The following STAT3 variants were observed in gnomAD, a reference collection of about 807,000 sequenced individuals.
STAT3 encodes the protein signal transducer and activator of transcription 3, also known as DNA-binding protein APRF.
A neutral mutation model predicts 114.3 loss-of-function variants in STAT3; 7 were observed. The ratio of observed to expected loss-of-function variants is 0.06; its 90% CI spans 0.03 to 0.11. The LOEUF is 0.11. Ranked by LOEUF, STAT3 falls within the 10% of genes least tolerant of loss-of-function variation. The pLI is 1.00. For synonymous variants in STAT3, 331 were observed against 354.5 expected (o/e 0.93, Z 0.74); for missense variants, 364 against 960.9 (o/e 0.38, Z 8.21).
chr17:42,364,631 C>T (rs1446474393), intron 1 of STAT3, among the ~76,000 whole-genome samples: 4 of 152,090 alleles, frequency 2.6e-5, no homozygotes, highest in African/African-American at 4.8e-5. Flanking sequence ...TACAGGTGCC[C>T]GCCACCACAC....
intron 23 of STAT3, chr17:42,316,509 C>T: frequency 1.3e-6 from 1 of 741,980 alleles, no homozygotes; most frequent in South Asian, 1.5e-5. Context: ...ATGAGCCACT[C>T]ACCCAGCCTC....
intron 21 of STAT3, among the ~76,000 whole-genome samples, chr17:42,319,411 G>A (rs1019397139): frequency 2.0e-5 from 3 of 151,198 alleles, no homozygotes; most frequent in Non-Finnish European, 4.4e-5. Context: ...GCATAGTGGT[G>A]CATGTCTGTA....
At chr17:42,340,585 G>C (rs1171716947) in intron 4 of STAT3, among the ~76,000 whole-genome samples, 1 of 152,162 alleles carries the variant, frequency 6.6e-6, no homozygotes, top group African/African-American at 2.4e-5. Flanking sequence ...GGGAGGCTGA[G>C]GTGGGAGGAT....
At chr17:42,319,630 T>A (rs1415117319) in intron 21 of STAT3, among the ~76,000 whole-genome samples, 2 of 151,660 alleles carry the variant, frequency 1.3e-5, no homozygotes, top group Non-Finnish European at 2.9e-5. Context: ...TTTATCTAAT[T>A]TGTAAGTGGC....
At chr17:42,334,334 G>A (rs2082140416) in intron 8 of STAT3, among the ~76,000 whole-genome samples, 1 of 151,882 alleles carries the variant, frequency 6.6e-6, no homozygotes, top group African/African-American at 2.4e-5. Context: ...GAGCTGGAGT[G>A]CAGTGGTGCA....
chr17:42,330,868 G>A (rs887280131), intron 11 of STAT3, among the ~76,000 whole-genome samples: 1 of 152,174 alleles, frequency 6.6e-6, no homozygotes, highest in Non-Finnish European at 1.5e-5. Context: ...CACATGCTAT[G>A]TATGGAAAGA....
At chr17:42,318,639 A>G (rs1182017929) in intron 21 of STAT3, among the ~76,000 whole-genome samples, 1 of 152,202 alleles carries the variant, frequency 6.6e-6, no homozygotes, top group East Asian at 1.9e-4. Flanking sequence ...TGGGGAATTC[A>G]GGTGAACAAA....
At chr17:42,351,310 A>G (rs1236557365) in intron 1 of STAT3, among the ~76,000 whole-genome samples, 1 of 152,004 alleles carries the variant, frequency 6.6e-6, no homozygotes, top group Non-Finnish European at 1.5e-5. Flanking sequence ...CAGTGGTTCA[A>G]TCACAGCTCA....
intron 1 of STAT3, among the ~76,000 whole-genome samples, chr17:42,358,545 AAAAC>A (rs983418279): frequency 1.3e-5 from 2 of 152,226 alleles, no homozygotes; most frequent in African/African-American, 4.8e-5. Context: ...AACTAAAACT[AAAAC>A]AAGAAAACCC....
chr17:42,377,141 G>A (rs761862103), intron 1 of STAT3, among the ~76,000 whole-genome samples: 1 of 152,212 alleles, frequency 6.6e-6, no homozygotes, highest in South Asian at 2.1e-4. Flanking sequence ...CTGAGACACA[G>A]CCAACGCTAA....
intron 1 of STAT3, chr17:42,387,466 A>G (rs943728109): frequency 3.0e-4 from 45 of 152,250 alleles, no homozygotes; most frequent in African/African-American, 1.1e-3. Flanking sequence ...CAACACCACA[A>G]TCCAGTAAAT....
Position 42,329,557 on chromosome 17 carries a change from G to A in STAT3, c.1230C>T (p.His410=), listed in dbSNP as rs138001349. The A allele has an allele frequency of 3.6e-5, 58 of 1,614,096 alleles. No homozygotes were observed. Among genetic ancestry groups the A allele is most frequent in the Non-Finnish European group, 4.7e-5 (56 of 1,180,048 alleles). ...NNGSLSAEFK[H]LTLREQRCGN... ...AAGGGGAGCTCCTCCCACATACCAAGTGTTTGAATTCTGCAGAGAGGCTGC... is the reference window on the plus strand; with the variant it reads ...AAGGGGAGCTCCTCCCACATACCAAATGTTTGAATTCTGCAGAGAGGCTGC... The change falls in exon 13 of 24, where the codon CAC becomes CAT. Residue 410 remains histidine, a synonymous_variant. Transcript: ENST00000264657.
chr17:42,386,927 A>C (rs1159675373), intron 1 of STAT3: 1 of 152,240 alleles, frequency 6.6e-6, no homozygotes, highest in Admixed American at 6.5e-5. Flanking sequence ...ATAAGGAAAT[A>C]AATGTGCTGA....
At chr17:42,372,179 T>C (rs1270795966) in intron 1 of STAT3, among the ~76,000 whole-genome samples, 1 of 152,202 alleles carries the variant, frequency 6.6e-6, no homozygotes, top group African/African-American at 2.4e-5. Flanking sequence ...AAACTAAACA[T>C]ACTCTTACCA....
At chr17:42,383,166 C>A (rs12942611) in intron 1 of STAT3, among the ~76,000 whole-genome samples, 53,369 of 151,600 alleles carry the variant, frequency 0.35, 9,587 homozygotes, top group South Asian at 0.45. Flanking sequence ...AAGCAATTCT[C>A]CTGGCTCAGC....
At chr17:42,366,428 T>G (rs1039284887) in intron 1 of STAT3, among the ~76,000 whole-genome samples, 1 of 152,106 alleles carries the variant, frequency 6.6e-6, no homozygotes, top group Non-Finnish European at 1.5e-5. Context: ...CCCAGCACTT[T>G]AGGAGGCTGA....
At chr17:42,331,631 T>A in intron 10 of STAT3, 100 bp from the exon 11 acceptor site, 1 of 977,968 alleles carries the variant, frequency 1.0e-6, no homozygotes. Flanking sequence ...TTCCAACAGG[T>A]AAATAGGCCA....
chr17:42,327,497 T>C (rs958829808), intron 14 of STAT3, among the ~76,000 whole-genome samples: 2 of 152,220 alleles, frequency 1.3e-5, no homozygotes, highest in Non-Finnish European at 2.9e-5. Context: ...CCACAAATAA[T>C]GTATTCATTC....
chr17:42,342,398 G>A (rs533147380), intron 4 of STAT3, among the ~76,000 whole-genome samples: 233 of 152,010 alleles, frequency 1.5e-3, no homozygotes, highest in Non-Finnish European at 2.8e-3. Flanking sequence ...CATGAGAATC[G>A]CTTGAACCTG....
Sources: allele counts gnomAD v4.1 joint callset (sites outside exome capture counted in the v4.1 genomes callset), GRCh38; gene constraint gnomAD v4.1.1; transcripts MANE v1.5; gene names NCBI Gene and HGNC (gene_info 2026-07-23, HGNC 2026-07-21).